The following ASCL5 variants were observed in gnomAD, a reference collection of about 807,000 sequenced individuals.
ASCL5 encodes achaete-scute homolog 5.
For missense variants in ASCL5, 262 were observed against 268.9 expected (o/e 0.97, Z 0.18); for synonymous variants, 124 against 131.5 (o/e 0.94, Z 0.39).
At chr1:201,116,361 G>C (rs750045744) in intron 1 of ASCL5, among the ~76,000 whole-genome samples, 18 of 152,112 alleles carry the variant, frequency 1.2e-4, no homozygotes, top group Non-Finnish European at 2.5e-4. Flanking sequence ...TGATAACAAG[G>C]TAGGTGTTGC....
In ASCL5 at chr1:201,117,594, G is replaced by A. The variant is rs146642535; in HGVS notation, c.-505-1717C>T. ...AGATCTCTCAGGTCAATCTTCTCTG[G>A]AACTCTTTGCTTTCCGGATCTCACA... On this transcript the variant is annotated intron_variant, in intron 1 of 1. Coordinates refer to ENST00000449188, the MANE Select transcript of ASCL5 (RefSeq NM_001270601.2). Among the ~76,000 whole-genome samples the A allele has an allele frequency of 1.5e-3, 228 of 152,252 alleles. 2 individuals carry two copies. The Middle Eastern group carries it at 0.031, about 20-fold the overall frequency.
intron 1 of ASCL5, among the ~76,000 whole-genome samples, chr1:201,126,126 CT>C (rs1238968276): frequency 2.0e-5 from 3 of 148,262 alleles, no homozygotes; most frequent in Non-Finnish European, 3.0e-5. Context: ...TCCCTTAGCT[CT>C]TTTAAAGTTA....
rs1411793555 is a variant in ASCL5 at position 201,114,163 on chromosome 1, G to T, written c.*589C>A. 6.6e-6 allele frequency: 1 copy of T among 152,252 alleles called. No homozygotes were observed. The highest frequency in any genetic ancestry group is 1.9e-4 in the East Asian group (1 of 5,192). 9.4% of individuals were successfully genotyped at this position (152,252 alleles called of 1,614,324 possible). A position where few individuals can be genotyped will look rare whatever the true frequency, so the allele number is the denominator to read the frequency against. ...CCAGGAAGCCAGAGAACGCCACCGG[G>T]GCACACAGGTCGCCTCTGCTGAGTC... On this transcript the variant is annotated 3_prime_UTR_variant, in exon 2 of 2. Transcript: ENST00000449188.
At chr1:201,116,896 C>G (rs537291487) in intron 1 of ASCL5, among the ~76,000 whole-genome samples, 2 of 152,148 alleles carry the variant, frequency 1.3e-5, no homozygotes, top group Non-Finnish European at 2.9e-5. Context: ...GAGTGATGGG[C>G]AGCATGACAC....
At chr1:201,121,981 A>C (rs1663471350) in intron 1 of ASCL5, among the ~76,000 whole-genome samples, 1 of 152,202 alleles carries the variant, frequency 6.6e-6, no homozygotes, top group African/African-American at 2.4e-5. Flanking sequence ...CCACATATTC[A>C]ACATAAGCAA....
Position 201,115,561 on chromosome 1 carries a change from G to A in ASCL5, c.-189C>T, listed in dbSNP as rs1212240184. 9.8e-6 allele frequency: 4 copies of A among 407,020 alleles called. No homozygotes were observed. Among genetic ancestry groups the A allele is most frequent in the Non-Finnish European group, 1.7e-5 (4 of 236,934 alleles). The allele number at this position is 407,020 out of a possible 1,614,324, so 25.2% of individuals were successfully genotyped here. A position where few individuals can be genotyped will look rare whatever the true frequency, so the allele number is the denominator to read the frequency against. The stretch of plus-strand genomic sequence containing the variant: ...CTCCCTAACAAGAGCCATCGCCCTA[G>A]ACAAGTGTGGCCCCTCTCAGGAGGT... On this transcript the variant is annotated 5_prime_UTR_variant, in exon 2 of 2. Transcript: ENST00000449188.
intron 1 of ASCL5, among the ~76,000 whole-genome samples, chr1:201,124,349 G>T (rs750323588): frequency 6.6e-6 from 1 of 152,162 alleles, no homozygotes; most frequent in Non-Finnish European, 1.5e-5. Flanking sequence ...GGTGCTGCCT[G>T]CCAGCCTCTG....
In ASCL5 at chr1:201,115,132, C is replaced by T. The variant is rs1190825106; in HGVS notation, c.241G>A (p.Glu81Lys). Reference sequence around the variant, plus strand: ...TTGCGCTTCTGGATGAAGGCTGGCTCGAAGGGGTATTCGTAGACCCCGAAG... The same window carrying T: ...TTGCGCTTCTGGATGAAGGCTGGCTTGAAGGGGTATTCGTAGACCCCGAAG... ...GAFGVYEYPF[E>K]PAFIQKRNER... Residue 81 changes from glutamate (E) to lysine (K), a missense_variant, in exon 2 of 2, where the codon GAG becomes AAG. Glu to Lys is a moderately conservative substitution (Grantham distance 56). Transcript: ENST00000449188. 2 of 1,231,640 alleles carry T rather than the reference C, an allele frequency of 1.6e-6. No individual in the cohort carries two copies. The highest frequency in any genetic ancestry group is 2.0e-6 in the Non-Finnish European group (2 of 987,998). 76.3% of individuals were successfully genotyped at this position (1,231,640 alleles called of 1,614,324 possible).
chr1:201,116,055 C>T (rs913194736), intron 1 of ASCL5, among the ~76,000 whole-genome samples, 178 bp from the exon 2 acceptor site: 2 of 152,202 alleles, frequency 1.3e-5, no homozygotes, highest in Admixed American at 6.5e-5. Flanking sequence ...AGTCGGGTGA[C>T]CACTCTGAGT....
chr1:201,118,978 TATTTC>T (rs1426614882), intron 1 of ASCL5, among the ~76,000 whole-genome samples: 10 of 152,340 alleles, frequency 6.6e-5, no homozygotes, highest in Admixed American at 4.6e-4. Context: ...CTTCCCTCAG[TATTTC>T]TACTAGTGGC....
intron 1 of ASCL5, among the ~76,000 whole-genome samples, chr1:201,124,983 A>T (rs988687986): frequency 6.6e-6 from 1 of 152,134 alleles, no homozygotes; most frequent in Non-Finnish European, 1.5e-5. Flanking sequence ...AACCTGTCTC[A>T]TGCATGCGGT....
chr1:201,126,900 C>T (rs1163566340), intron 1 of ASCL5, among the ~76,000 whole-genome samples, 184 bp downstream of exon 1: 2 of 152,216 alleles, frequency 1.3e-5, no homozygotes, highest in South Asian at 2.1e-4. Flanking sequence ...TGGTGGGTGC[C>T]GTAACCCCAG....
At chr1:201,123,122 C>T (rs1427840426) in intron 1 of ASCL5, among the ~76,000 whole-genome samples, 2 of 152,202 alleles carry the variant, frequency 1.3e-5, no homozygotes, top group African/African-American at 2.4e-5. Context: ...CCAATGCTTA[C>T]ACCCAGTAGC....
At chr1:201,120,676 T>G (rs761750019) in intron 1 of ASCL5, among the ~76,000 whole-genome samples, 2 of 152,206 alleles carry the variant, frequency 1.3e-5, no homozygotes, top group Non-Finnish European at 2.9e-5. Flanking sequence ...ACAACATAAT[T>G]CTACCTTTCA....
At chr1:201,117,159 G>A (rs1346272052) in intron 1 of ASCL5, among the ~76,000 whole-genome samples, 1 of 152,206 alleles carries the variant, frequency 6.6e-6, no homozygotes, top group Non-Finnish European at 1.5e-5. Context: ...AACCAGGCCG[G>A]GCATGGTGGC....
intron 1 of ASCL5, among the ~76,000 whole-genome samples, chr1:201,122,679 C>G (rs763120950): frequency 2.0e-5 from 3 of 152,096 alleles, no homozygotes; most frequent in Non-Finnish European, 2.9e-5. Context: ...GGGGGTGGAG[C>G]TGGGTGAGGA....
chr1:201,118,196 T>C (rs1379724794), intron 1 of ASCL5, among the ~76,000 whole-genome samples: 1 of 152,224 alleles, frequency 6.6e-6, no homozygotes, highest in Non-Finnish European at 1.5e-5. Context: ...AAAGAACTGA[T>C]AAGCCAGGCG....
rs983918646 is a variant in ASCL5, at chr1:201,114,973, A to C, written c.400T>G (p.Tyr134Asp). The C allele has an allele frequency of 8.1e-7, 1 of 1,231,374 alleles. No individual in the cohort carries two copies. The highest frequency in any genetic ancestry group is 1.0e-6 in the Non-Finnish European group (1 of 987,890). 76.3% of individuals were successfully genotyped at this position (1,231,374 alleles called of 1,614,324 possible). A position where few individuals can be genotyped will look rare whatever the true frequency, so the allele number is the denominator to read the frequency against. Residue 134 changes from tyrosine to aspartate, a missense_variant, in exon 2 of 2, where the codon TAC (tyrosine) becomes GAC (aspartate). Transcript: ENST00000449188. ...GCCGAGCTCAGCAGCTCTTGCAGGT[A>C]CTTTATGTAGCGGATGGCGGCGCGC... ...TLRAAIRYIK[Y>D]LQELLSSAPD...
Position 201,115,345 on chromosome 1 carries a change from C to G in ASCL5, c.28G>C (p.Val10Leu). ...GGGGGCCCCAGAGGCCTCCGGTCCACCAGAGCCCGGCAGAAGTTATTGTTC... is the reference window on the plus strand; with the variant it reads ...GGGGGCCCCAGAGGCCTCCGGTCCAGCAGAGCCCGGCAGAAGTTATTGTTC... MNNNFCRALVDRRPLGPPSC... is the reference protein window; with the variant it reads MNNNFCRALLDRRPLGPPSC... The change falls in exon 2 of 2, where the codon GTG (valine) becomes CTG (leucine). Residue 10 changes from valine (V) to leucine (L), a missense_variant. Physicochemically the swap from Val to Leu is conservative, Grantham distance 32. Transcript: ENST00000449188. The G allele has an allele frequency of 8.1e-7, 1 of 1,231,428 alleles. No homozygotes were observed. The allele number at this position is 1,231,428 out of a possible 1,614,324, so 76.3% of individuals were successfully genotyped here.
Sources: allele counts gnomAD v4.1 joint callset (sites outside exome capture counted in the v4.1 genomes callset), GRCh38; gene constraint gnomAD v4.1.1; transcripts MANE v1.5; gene names NCBI Gene and HGNC (gene_info 2026-07-23, HGNC 2026-07-21).